The following PLXNA2 variants were observed in gnomAD, a reference collection of about 807,000 sequenced individuals.
PLXNA2 encodes plexin-A2.
Under a neutral mutation model 193.5 loss-of-function variants are expected in PLXNA2, and 91 were observed. That is an observed-to-expected ratio of 0.47 (90% CI 0.40 to 0.56). PLXNA2 has a LOEUF of 0.56. Ranked by LOEUF, PLXNA2 falls within the 20% of genes least tolerant of loss-of-function variation. The pLI, the probability that PLXNA2 is intolerant of heterozygous loss-of-function variation, is 0.00. For missense variants in PLXNA2, 1,995 were observed against 2,503.2 expected (o/e 0.80, Z 4.33); for synonymous variants, 997 against 1,027.3 (o/e 0.97, Z 0.56).
chr1:208,037,273 C>G (rs916187540), intron 26 of PLXNA2, among the ~76,000 whole-genome samples: 3 of 152,178 alleles, frequency 2.0e-5, no homozygotes, highest in Admixed American at 2.0e-4. Flanking sequence ...CTCATGTCCT[C>G]TGGGCAGGGG....
At position 208,222,881 on chromosome 1, in the gene PLXNA2, A is replaced by ATTC. The variant is rs569320944; in HGVS notation, c.-80-4880_-80-4879insGAA. 1.6e-3 allele frequency among the ~76,000 whole-genome samples: 241 copies of ATTC among 152,286 alleles called. 1 individual carries two copies. Among genetic ancestry groups the ATTC allele is most frequent in the South Asian group, 5.0e-3 (24 of 4,820 alleles). On this transcript the variant is annotated intron_variant, in intron 1 of 31. Transcript: ENST00000367033. Reference sequence around the variant, plus strand: ...GGGCCCATCTGTAGCTCCACTTGCCACTAACTCCATTCCTAACAACCCTGT... The same window carrying ATTC: ...GGGCCCATCTGTAGCTCCACTTGCCATTCCTAACTCCATTCCTAACAACCCTGT...
At chr1:208,174,407 G>A (rs532742299) in intron 3 of PLXNA2, among the ~76,000 whole-genome samples, 7 of 151,124 alleles carry the variant, frequency 4.6e-5, no homozygotes, top group East Asian at 3.9e-4. Context: ...AGGAGACGCC[G>A]CGGGTGGGGG....
intron 2 of PLXNA2, among the ~76,000 whole-genome samples, chr1:208,214,554 TG>T (rs1671064613): frequency 6.6e-6 from 1 of 152,230 alleles, no homozygotes; most frequent in Admixed American, 6.5e-5. Context: ...TACTGGTGCT[TG>T]GTCCCAACGG....
chr1:208,043,372 T>C (rs1457167522), intron 20 of PLXNA2, among the ~76,000 whole-genome samples, 169 bp from the exon 21 acceptor site: 1 of 152,086 alleles, frequency 6.6e-6, no homozygotes, highest in Non-Finnish European at 1.5e-5. Context: ...TTTTAGGTGG[T>C]GGGGAAATGG....
intron 12 of PLXNA2, among the ~76,000 whole-genome samples, chr1:208,061,657 T>C (rs1485466298): frequency 6.6e-6 from 1 of 152,244 alleles, no homozygotes; most frequent in Non-Finnish European, 1.5e-5. Context: ...GCTTATTTAT[T>C]CATTCCTTAA....
At chr1:208,187,687 A>G (rs11119004) in intron 3 of PLXNA2, among the ~76,000 whole-genome samples, 55,249 of 152,092 alleles carry the variant, frequency 0.36, 10,247 homozygotes, top group Middle Eastern at 0.42. Flanking sequence ...TGTTAGCACA[A>G]TGACCAGGAT....
In PLXNA2 at chr1:208,068,457, A is replaced by G. The variant is rs1178573677; in HGVS notation, c.2587-7620T>C. Among the ~76,000 whole-genome samples, 5 of 152,222 alleles carry G rather than the reference A, an allele frequency of 3.3e-5. No individual in the cohort carries two copies. In the East Asian group the frequency reaches 9.6e-4, roughly 29 times the overall value. The stretch of plus-strand genomic sequence containing the variant: ...ATCAAACATCTTTTAGCTACTGAAG[A>G]CAGCAATTAAGTCACCCCTGGCCTT... On this transcript the variant is annotated intron_variant, in intron 12 of 31. Transcript: ENST00000367033.
chr1:208,154,367 G>A (rs550948), intron 3 of PLXNA2, among the ~76,000 whole-genome samples: 42,917 of 152,014 alleles, frequency 0.28, 7,045 homozygotes, highest in Non-Finnish European at 0.37. Flanking sequence ...TGGGCTCAAC[G>A]GTAGGCAAAG....
At chr1:208,086,789 C>CAAAAAAAAAAAAAAAAAAAAA (rs11355579) in intron 9 of PLXNA2, among the ~76,000 whole-genome samples, 1 of 125,878 alleles carries the variant, frequency 7.9e-6, no homozygotes, top group African/African-American at 3.1e-5. Context: ...TATTTATAGC[C>CAAAAAAAAAAAAAAAAAAAAA]AAAAAAAAAA....
intron 4 of PLXNA2, among the ~76,000 whole-genome samples, chr1:208,133,709 T>C (rs1204346299): frequency 1.3e-5 from 2 of 152,240 alleles, no homozygotes; most frequent in African/African-American, 2.4e-5. Context: ...AATTAAAAGT[T>C]TTTAAACACA....
rs557808887 is a variant in PLXNA2 at position 208,095,740 on chromosome 1, G to A, written c.1982+289C>T. Among the ~76,000 whole-genome samples the A allele has an allele frequency of 6.6e-5, 10 of 152,226 alleles. No homozygotes were observed. In the South Asian group the frequency reaches 1.9e-3, roughly 28 times the overall value. On this transcript the variant is annotated intron_variant, in intron 8 of 31. Transcript: ENST00000367033. ...ATGGAAAATGAAGAACTTTTTTTAC[G>A]GTTCCTGTTCTCTGACTCTCTTTTT...
chr1:208,235,218 T>C (rs1671816140), intron 1 of PLXNA2, among the ~76,000 whole-genome samples: 1 of 152,232 alleles, frequency 6.6e-6, no homozygotes, highest in Admixed American at 6.5e-5. Context: ...GGGCCACTAT[T>C]GGCTTTCTTC....
chr1:208,215,906 T>C (rs1026633409), intron 2 of PLXNA2, among the ~76,000 whole-genome samples: 4 of 152,102 alleles, frequency 2.6e-5, no homozygotes, highest in African/African-American at 7.2e-5. Flanking sequence ...ATTCTGAGCT[T>C]TTCATCCTCT....
chr1:208,126,798 A>G (rs12407988), intron 4 of PLXNA2, among the ~76,000 whole-genome samples: 82,218 of 151,838 alleles, frequency 0.54, 22,613 homozygotes, highest in African/African-American at 0.57. Flanking sequence ...CTGCCTTCCC[A>G]GAGCACAGGC....
chr1:208,227,509 T>C (rs1361235738), intron 1 of PLXNA2, among the ~76,000 whole-genome samples: 1 of 152,210 alleles, frequency 6.6e-6, no homozygotes, highest in Non-Finnish European at 1.5e-5. Context: ...CCAAACCTTC[T>C]TATCACTGGT....
intron 1 of PLXNA2, among the ~76,000 whole-genome samples, chr1:208,234,462 C>A (rs1053059515): frequency 6.6e-6 from 1 of 152,222 alleles, no homozygotes; most frequent in African/African-American, 2.4e-5. Flanking sequence ...GGCCCCATCC[C>A]GCACTCTGCA....
chr1:208,137,492 C>T (rs546839404), intron 4 of PLXNA2, among the ~76,000 whole-genome samples: 3 of 152,252 alleles, frequency 2.0e-5, no homozygotes, highest in South Asian at 2.1e-4. Context: ...TCCCTTGACT[C>T]GCTGTCTGAC....
intron 3 of PLXNA2, among the ~76,000 whole-genome samples, chr1:208,180,031 C>T (rs1669788310): frequency 6.6e-6 from 1 of 152,200 alleles, no homozygotes; most frequent in Non-Finnish European, 1.5e-5. Flanking sequence ...CTGCCCCGCC[C>T]CCACCCTGGG....
chr1:208,202,168 T>G (rs1370010650), intron 3 of PLXNA2, among the ~76,000 whole-genome samples: 1 of 151,712 alleles, frequency 6.6e-6, no homozygotes, highest in Non-Finnish European at 1.5e-5. Context: ...TTAGTAGAGA[T>G]GGGGTTTCAT....
Sources: gnomAD v4.1 joint callset for allele counts (sites outside exome capture counted in the v4.1 genomes callset) on GRCh38, gnomAD v4.1.1 for gene constraint, MANE v1.5 for transcripts, NCBI Gene and HGNC (gene_info 2026-07-23, HGNC 2026-07-21) for gene names.